The following MRM1 variants were observed in gnomAD, a reference collection of about 807,000 sequenced individuals.
MRM1 encodes the protein mitochondrial rRNA methyltransferase 1.
A neutral mutation model predicts 25.0 loss-of-function variants in MRM1; 24 were observed. The ratio of observed to expected loss-of-function variants is 0.96; its 90% CI spans 0.69 to 1.35. MRM1 has a LOEUF of 1.35. Ranked by LOEUF, MRM1 falls within the 40% of genes most tolerant of loss-of-function variation. MRM1 has a pLI of 0.00. For synonymous variants in MRM1, 188 were observed against 199.2 expected (o/e 0.94, Z 0.47); for missense variants, 431 against 464.1 (o/e 0.93, Z 0.65).
At chr17:36,609,131 T>G (rs1298635576), downstream of MRM1, among the ~76,000 whole-genome samples, 12 of 152,008 alleles carry the variant, frequency 7.9e-5, no homozygotes, top group Admixed American at 6.5e-4. Context: ...CCCCCACGGG[T>G]GACTGAGTCA....
At chr17:36,604,060 G>A (rs1364445646) in intron 2 of MRM1, among the ~76,000 whole-genome samples, 2 of 152,220 alleles carry the variant, frequency 1.3e-5, no homozygotes, top group East Asian at 1.9e-4. Flanking sequence ...TGGAAGAGCT[G>A]GAGGTGCCCC....
chr17:36,631,058 G>A, the MRM1 span, among the ~76,000 whole-genome samples: 3 of 152,292 alleles, frequency 2.0e-5, no homozygotes, highest in South Asian at 2.1e-4. Flanking sequence ...TCTCCCCCAC[G>A]GGATGACCAT....
the MRM1 span, among the ~76,000 whole-genome samples, chr17:36,633,691 G>A: frequency 2.0e-5 from 3 of 152,168 alleles, no homozygotes; most frequent in Non-Finnish European, 4.4e-5. Context: ...GGCGTAGGCA[G>A]CCAGCTGTCA....
chr17:36,602,811 G>A lies in MRM1; in HGVS notation c.636+165G>A, dbSNP rs2074892539. Reference sequence around the variant, plus strand: ...GAAGGGTCCTGGAGTTTTTAAAACGGCAAATGGAGCATTAGCTGAATTCTT... The same window carrying A: ...GAAGGGTCCTGGAGTTTTTAAAACGACAAATGGAGCATTAGCTGAATTCTT... On this transcript the variant is annotated intron_variant, in intron 2 of 4. Coordinates refer to ENST00000614766, the MANE Select transcript of MRM1 (RefSeq NM_024864.5). The surrounding 1 kb of genome is among the most constrained non-coding windows in gnomAD (Gnocchi z 4.1). 1.4e-6 allele frequency: 1 copy of A among 737,938 alleles called. No homozygotes were observed. The allele number at this position is 737,938 out of a possible 1,614,324, so 45.7% of individuals were successfully genotyped here.
chr17:36,630,182 G>C, the MRM1 span, among the ~76,000 whole-genome samples: 1 of 151,970 alleles, frequency 6.6e-6, no homozygotes, highest in African/African-American at 2.4e-5. Context: ...GCCAGTTTGC[G>C]GAAGTGGCAT....
downstream of MRM1, among the ~76,000 whole-genome samples, chr17:36,610,255 C>T (rs548628459): frequency 2.2e-5 from 3 of 134,280 alleles, no homozygotes; most frequent in Non-Finnish European, 4.7e-5. Flanking sequence ...TTTTTTGAGA[C>T]GGAGTCTCGC....
chr17:36,631,662 T>C, the MRM1 span, among the ~76,000 whole-genome samples: 2 of 152,238 alleles, frequency 1.3e-5, no homozygotes, highest in East Asian at 3.8e-4. Flanking sequence ...GTCAGATGGA[T>C]GGATATATGG....
Position 36,602,653 on chromosome 17 carries a change from A to G in MRM1, c.636+7A>G. On this transcript the variant is annotated splice_region_variant and intron_variant, in intron 2 of 4. Coordinates refer to ENST00000614766, the MANE Select transcript of MRM1 (RefSeq NM_024864.5). The surrounding 1 kb of genome is among the most constrained non-coding windows in gnomAD (Gnocchi z 4.1). Reference sequence around the variant, plus strand: ...CCTCACCGGATTTTTACAGGTAATGAGGGGCAAGAGGGGAAGGAACAGATG... The same window carrying G: ...CCTCACCGGATTTTTACAGGTAATGGGGGGCAAGAGGGGAAGGAACAGATG... 9 of 1,613,782 alleles carry G rather than the reference A, an allele frequency of 5.6e-6. No individual in the cohort carries two copies. Among genetic ancestry groups the G allele is most frequent in the Non-Finnish European group, 7.6e-6 (9 of 1,179,736 alleles).
the MRM1 span, among the ~76,000 whole-genome samples, chr17:36,632,107 G>A: frequency 6.6e-6 from 1 of 152,086 alleles, no homozygotes; most frequent in Non-Finnish European, 1.5e-5. Context: ...CGCCCGCCTT[G>A]GCCTCTCAAA....
chr17:36,607,617 T>C (rs1250859241), intron 2 of MRM1, 53 bp from the exon 3 acceptor site: 1 of 1,561,976 alleles, frequency 6.4e-7, no homozygotes, highest in Non-Finnish European at 8.7e-7. Flanking sequence ...TAAGACCCTA[T>C]CTCAAAATTA....
the MRM1 span, among the ~76,000 whole-genome samples, chr17:36,631,885 G>A: frequency 6.6e-6 from 1 of 152,304 alleles, no homozygotes; most frequent in East Asian, 1.9e-4. Flanking sequence ...TGTCTGCAGA[G>A]GTTGGGGGTC....
At chr17:36,623,457 C>A in the MRM1 span, among the ~76,000 whole-genome samples, 2 of 152,132 alleles carry the variant, frequency 1.3e-5, no homozygotes, top group African/African-American at 2.4e-5. Flanking sequence ...GGGGTGTGCT[C>A]GAGGTTTCTG....
At chr17:36,611,535 G>A (rs2074976787), downstream of MRM1, among the ~76,000 whole-genome samples, 1 of 152,144 alleles carries the variant, frequency 6.6e-6, no homozygotes, top group Non-Finnish European at 1.5e-5. Context: ...ACTTGACTGG[G>A]CCATGGGTTG....
At chr17:36,618,189 AG>A in the MRM1 span, among the ~76,000 whole-genome samples, 3 of 151,964 alleles carry the variant, frequency 2.0e-5, no homozygotes, top group Non-Finnish European at 4.4e-5. Flanking sequence ...GGAGTCCTTA[AG>A]GGGGCAGACA....
the MRM1 span, among the ~76,000 whole-genome samples, chr17:36,623,731 G>A: frequency 6.6e-6 from 1 of 152,186 alleles, no homozygotes. Context: ...TGGTTGGTAA[G>A]TTCTTCTTGG....
chr17:36,608,459 C>G lies in MRM1; in HGVS notation c.*44C>G. 7.1e-7 allele frequency: 1 copy of G among 1,398,668 alleles called. No homozygotes were observed. The highest frequency in any genetic ancestry group is 1.9e-5 in the South Asian group (1 of 53,484). The allele number at this position is 1,398,668 out of a possible 1,614,324, so 86.6% of individuals were successfully genotyped here. A position where few individuals can be genotyped will look rare whatever the true frequency, so the allele number is the denominator to read the frequency against. On this transcript the variant is annotated 3_prime_UTR_variant, in exon 5 of 5. Transcript: ENST00000614766. ...TTCATGTGCTGGAGTCAGGGACGGCCGCACCTGCCTCCGCCGGCTCCAGTG... is the reference window on the plus strand; with the variant it reads ...TTCATGTGCTGGAGTCAGGGACGGCGGCACCTGCCTCCGCCGGCTCCAGTG...
downstream of MRM1, among the ~76,000 whole-genome samples, chr17:36,612,165 G>A (rs2074980715): frequency 6.6e-6 from 1 of 152,016 alleles, no homozygotes; most frequent in African/African-American, 2.4e-5. Context: ...AACCTGCCCT[G>A]GACATGCTGT....
chr17:36,603,173 C>G (rs987572173), intron 2 of MRM1: 28 of 982,836 alleles, frequency 2.8e-5, no homozygotes, highest in African/African-American at 1.2e-4. Flanking sequence ...CCATACCCCC[C>G]CCAACCCCCA....
chr17:36,611,490 A>C (rs1034298899), downstream of MRM1, among the ~76,000 whole-genome samples: 2 of 152,150 alleles, frequency 1.3e-5, no homozygotes, highest in Non-Finnish European at 2.9e-5. Context: ...GCACAATAAT[A>C]CAGACTTTGA....
Sources: allele counts gnomAD v4.1 joint callset (sites outside exome capture counted in the v4.1 genomes callset), GRCh38; gene constraint gnomAD v4.1.1; non-coding constraint Gnocchi (gnomAD v3.1); transcripts MANE v1.5; gene names NCBI Gene and HGNC (gene_info 2026-07-23, HGNC 2026-07-21).